The following ARL13A variants were observed in gnomAD, a reference collection of about 807,000 sequenced individuals.
ARL13A encodes the protein ARF like GTPase 13A, also known as ADP-ribosylation factor-like protein 13A.
In ARL13A, 16 loss-of-function variants were observed where a neutral mutation model predicts 19.1. The ratio of observed to expected loss-of-function variants is 0.84; its 90% CI spans 0.57 to 1.27. The LOEUF (loss-of-function observed/expected upper bound fraction) is 1.27, where lower values mean the gene tolerates loss of function less well. Ranked by LOEUF, ARL13A falls within the 50% of genes most tolerant of loss-of-function variation. The pLI, the probability that ARL13A is intolerant of heterozygous loss-of-function variation, is 0.00. For missense variants in ARL13A, 153 were observed against 186.4 expected (o/e 0.82, Z 1.04); for synonymous variants, 69 against 71.3 (o/e 0.97, Z 0.17).
At chrX:100,979,711 C>T (rs2085824590) in intron 3 of ARL13A, among the ~76,000 whole-genome samples, 1 of 111,555 alleles carries the variant, frequency 9.0e-6, no homozygotes, top group Non-Finnish European at 1.9e-5. Context: ...TTTATGCAGG[C>T]TGGGGTTGTT....
At chrX:100,984,879 A>G (rs1226364909) in intron 3 of ARL13A, among the ~76,000 whole-genome samples, 1 of 112,231 alleles carries the variant, frequency 8.9e-6, no homozygotes, top group Non-Finnish European at 1.9e-5. Context: ...TTAATCCAAT[A>G]ATGAATGTGC....
intron 1 of ARL13A, among the ~76,000 whole-genome samples, chrX:100,970,380 G>A (rs1237122901): frequency 1.8e-5 from 2 of 112,686 alleles, no homozygotes; most frequent in African/African-American, 6.5e-5. Context: ...CTCCAGAACA[G>A]TAAATGACTG....
chrX:100,970,978 A>G (rs987137429), intron 1 of ARL13A, among the ~76,000 whole-genome samples: 1 of 112,319 alleles, frequency 8.9e-6, no homozygotes, highest in African/African-American at 3.2e-5. Context: ...GTATATACCC[A>G]AGAGAAAAGA....
chrX:100,982,655 T>C (rs1719379161), intron 3 of ARL13A, among the ~76,000 whole-genome samples: 2 of 102,115 alleles, frequency 2.0e-5, no homozygotes, highest in Admixed American at 2.1e-4. Context: ...TTTTCTTTTT[T>C]TTTTTTTTTT....
intron 3 of ARL13A, among the ~76,000 whole-genome samples, chrX:100,981,636 CAAAAAAAAAAA>C (rs1208319112): frequency 2.6e-5 from 2 of 75,567 alleles, no homozygotes; most frequent in African/African-American, 1.0e-4. Flanking sequence ...AAACTCTCTA[CAAAAAAAAAAA>C]GAAAAAAAAA....
At position 100,985,921 on chromosome X, in the gene ARL13A, G is replaced by C. The variant is rs1476089872; in HGVS notation, c.380+5G>C. The C allele has an allele frequency of 1.7e-6, 2 of 1,200,946 alleles. No individual in the cohort carries two copies. On this transcript the variant is annotated splice_donor_5th_base_variant and intron_variant, in intron 4 of 7. Coordinates refer to ENST00000450049, the MANE Select transcript of ARL13A (RefSeq NM_001162491.2). ...GGCAGGGAAACCCATCTTAATGTAA[G>C]ATTCTGCCTTTCTGTCCTATTTCTG...
In ARL13A at chrX:100,982,312, G is replaced by A. The variant is rs2085869267; in HGVS notation, c.131-3355G>A. On this transcript the variant is annotated intron_variant, in intron 3 of 7. Transcript: ENST00000450049. ...TCGAGACCAGCCTGGCCAACATGGT[G>A]AAACCCCCGTCTCTACTAAAAATAC... Among the ~76,000 whole-genome samples the A allele has an allele frequency of 3.8e-5, 4 of 106,145 alleles. No homozygotes were observed. The South Asian group carries it at 1.8e-3, about 48-fold the overall frequency. 92.2% of individuals were successfully genotyped at this position (106,145 alleles called of 115,157 possible).
At chrX:100,970,100 C>T (rs780469920) in intron 1 of ARL13A, among the ~76,000 whole-genome samples, 1 of 112,503 alleles carries the variant, frequency 8.9e-6, no homozygotes, top group East Asian at 2.8e-4. Context: ...AGACATGAAG[C>T]GGTTACTGGC....
rs1399536727 is a variant in ARL13A, at chrX:100,990,728, G to A, written c.*140G>A. The A allele has an allele frequency of 1.7e-6, 1 of 578,306 alleles. No homozygotes were observed. Among genetic ancestry groups the A allele is most frequent in the Non-Finnish European group, 2.7e-6 (1 of 371,809 alleles). 47.7% of individuals were successfully genotyped at this position (578,306 alleles called of 1,213,427 possible). On this transcript the variant is annotated 3_prime_UTR_variant, in exon 8 of 8. Transcript: ENST00000450049. Reference sequence around the variant, plus strand: ...AAGTCATGGGTGATCAACCAAAACTGAGCCTTAGAAATACAGGGTTCATTT... The same window carrying A: ...AAGTCATGGGTGATCAACCAAAACTAAGCCTTAGAAATACAGGGTTCATTT...
intron 1 of ARL13A, among the ~76,000 whole-genome samples, chrX:100,971,486 A>C (rs1187985837): frequency 1.0e-5 from 1 of 98,365 alleles, no homozygotes; most frequent in Non-Finnish European, 2.0e-5. Context: ...GTAGTCTGCT[A>C]TACTAAGAAA....
chrX:100,988,291 G>A lies in ARL13A; in HGVS notation c.744+8G>A. ...CTAAAGTCAATCCTACAGGTAAATG[G>A]CCCTTTAAATGTTAATATTCAGTGA... is the stretch of plus-strand genomic sequence containing the variant. On this transcript the variant is annotated splice_region_variant and intron_variant, in intron 7 of 7. Transcript: ENST00000450049. 1 of 1,206,267 alleles carries A rather than the reference G, an allele frequency of 8.3e-7. No individual in the cohort carries two copies. Among genetic ancestry groups the A allele is most frequent in the Non-Finnish European group, 1.1e-6 (1 of 891,976 alleles).
At chrX:100,976,400 G>A (rs1292672862) in intron 3 of ARL13A, among the ~76,000 whole-genome samples, 4 of 110,752 alleles carry the variant, frequency 3.6e-5, no homozygotes, top group Admixed American at 2.9e-4. Flanking sequence ...CCTGTGCTCA[G>A]TGAATACCTG....
intron 6 of ARL13A, among the ~76,000 whole-genome samples, 167 bp downstream of exon 6, chrX:100,987,723 C>T (rs781131892): frequency 8.9e-6 from 1 of 111,833 alleles, no homozygotes; most frequent in South Asian, 3.8e-4. Context: ...AACACTCCAA[C>T]ATTGTTAGGT....
At chrX:100,978,908 AT>A (rs965614847) in intron 3 of ARL13A, among the ~76,000 whole-genome samples, 42 of 108,844 alleles carry the variant, frequency 3.9e-4, no homozygotes, top group African/African-American at 1.1e-3. Flanking sequence ...CTTATAACCC[AT>A]TTTTTTTTAA....
chrX:100,990,311 CT>C, intron 7 of ARL13A: 1 of 883,469 alleles, frequency 1.1e-6, no homozygotes, highest in East Asian at 5.7e-5. Context: ...AATAACTGAC[CT>C]TTTTCTCTTT....
intron 7 of ARL13A, 61 bp from the exon 8 acceptor site, chrX:100,990,501 C>T (rs1241523690): frequency 2.8e-6 from 3 of 1,065,113 alleles, no homozygotes; most frequent in Non-Finnish European, 2.4e-6. Context: ...CCATACAACT[C>T]CACCTACTCT....
intron 7 of ARL13A, chrX:100,990,337 G>A: frequency 1.1e-6 from 1 of 916,690 alleles, no homozygotes; most frequent in Non-Finnish European, 1.3e-6. Flanking sequence ...TTTCAACAGA[G>A]AAAGTAAAAG....
chrX:100,976,907 G>GT (rs1398706099), intron 3 of ARL13A, among the ~76,000 whole-genome samples: 2 of 112,686 alleles, frequency 1.8e-5, no homozygotes, highest in African/African-American at 3.2e-5. Flanking sequence ...TGCTGCGAAT[G>GT]TTTTTTGCCA....
intron 3 of ARL13A, among the ~76,000 whole-genome samples, chrX:100,982,860 C>G (rs2085881697): frequency 9.1e-6 from 1 of 110,155 alleles, no homozygotes; most frequent in Non-Finnish European, 1.9e-5. Context: ...CACAATCAGG[C>G]ATGGGTTTCA....
Sources: allele counts gnomAD v4.1 joint callset (sites outside exome capture counted in the v4.1 genomes callset), GRCh38; gene constraint gnomAD v4.1.1; transcripts MANE v1.5; gene names NCBI Gene and HGNC (gene_info 2026-07-23, HGNC 2026-07-21).